Variants in LRP1B observed in about 807,000 individuals in gnomAD.
LRP1B encodes LDL receptor related protein 1B.
A neutral mutation model predicts 556.6 loss-of-function variants in LRP1B; 217 were observed. The ratio of observed to expected loss-of-function variants is 0.39; its 90% confidence interval spans 0.35 to 0.44. LRP1B has a LOEUF of 0.44. Among genes scored for constraint, LRP1B ranks in the 20% least tolerant of loss-of-function variants. LRP1B has a pLI of 1.00. For synonymous variants in LRP1B, 2,047 were observed against 1,865.8 expected (o/e 1.10, Z -2.50); for missense variants, 5,053 against 5,620.8 (o/e 0.90, Z 3.23).
chr2:140,330,072 T>C (rs1032558094), intron 79 of LRP1B, among the ~76,000 whole-genome samples: 2 of 151,274 alleles, frequency 1.3e-5, no homozygotes, highest in African/African-American at 4.9e-5. Flanking sequence ...TGGTAGCAGG[T>C]GCCTGTAATC....
At chr2:140,519,144 C>T (rs1476427505) in intron 49 of LRP1B, among the ~76,000 whole-genome samples, 4 of 152,122 alleles carry the variant, frequency 2.6e-5, no homozygotes, top group Non-Finnish European at 5.9e-5. Flanking sequence ...ATAGAGCCCA[C>T]ATTGCCAAGA....
At chr2:140,803,907 A>G (rs1690616622) in intron 32 of LRP1B, among the ~76,000 whole-genome samples, 1 of 144,604 alleles carries the variant, frequency 6.9e-6, no homozygotes, top group Admixed American at 7.0e-5. Flanking sequence ...AAAGAAAGAT[A>G]TGACAAAAGC....
In LRP1B at chr2:142,130,663, CG is replaced by C. The variant is rs1391261484; in HGVS notation, c.66del (p.Val23TrpfsTer21). 1.9e-6 allele frequency: 3 copies of C among 1,612,432 alleles called. No individual in the cohort carries two copies. The African/African-American group carries it at 4.0e-5, about 22-fold the overall frequency. On this transcript the variant is annotated frameshift_variant, in exon 1 of 91. Transcript: ENST00000389484. LOFTEE classifies it high-confidence loss of function. Reference protein sequence around the residue: ...SGLLPIARVLTVGADRDQQLC... With the variant: ...SGLLPIARVLXVGADRDQQLC... ...TTCTCCTTACCTCGGTCGGCTCCCACGGTCAGCACCCTGGCAATCGGCAATA... is the reference window on the plus strand; with the variant it reads ...TTCTCCTTACCTCGGTCGGCTCCCACGTCAGCACCCTGGCAATCGGCAATA...
chr2:142,062,414 C>T (rs2104894741), intron 1 of LRP1B, among the ~76,000 whole-genome samples: 1 of 151,720 alleles, frequency 6.6e-6, no homozygotes, highest in African/African-American at 2.4e-5. Context: ...ATGAAGCCTG[C>T]CAATCAAAAA....
chr2:140,777,227 T>C (rs955233534), intron 32 of LRP1B, among the ~76,000 whole-genome samples: 2 of 152,194 alleles, frequency 1.3e-5, no homozygotes, highest in African/African-American at 4.8e-5. Flanking sequence ...TTTGGGCAAT[T>C]AAAGATATTT....
rs572425645 is a variant in LRP1B, at chr2:140,558,795, G to T, written c.7195-16824C>A. 3.9e-5 allele frequency among the ~76,000 whole-genome samples: 6 copies of T among 151,966 alleles called. No homozygotes were observed. The South Asian group carries it at 1.2e-3, about 32-fold the overall frequency. ...ACAAAAAATACAAAAAAAAAGCTGG[G>T]TGTGGTGCCATGTGCCTGTAGTTCC... On this transcript the variant is annotated intron_variant, in intron 43 of 90. Coordinates refer to ENST00000389484, the MANE Select transcript of LRP1B (RefSeq NM_018557.3).
chr2:141,832,787 CA>C (rs1216493723), intron 1 of LRP1B, among the ~76,000 whole-genome samples: 1 of 151,792 alleles, frequency 6.6e-6, no homozygotes, highest in Non-Finnish European at 1.5e-5. Flanking sequence ...CAAGCATTTA[CA>C]GTTAAGATTG....
intron 84 of LRP1B, among the ~76,000 whole-genome samples, chr2:140,279,853 C>T (rs553527845): frequency 1.3e-5 from 2 of 151,740 alleles, no homozygotes; most frequent in African/African-American, 2.4e-5. Flanking sequence ...ATGATCCCAT[C>T]GAGGTGACTA....
At chr2:140,920,086 G>C (rs1236862568) in intron 21 of LRP1B, among the ~76,000 whole-genome samples, 1 of 151,922 alleles carries the variant, frequency 6.6e-6, no homozygotes, top group Non-Finnish European at 1.5e-5. Flanking sequence ...TATTTTCCCG[G>C]TACCTTGCGA....
rs377332982 is a variant in LRP1B at position 140,988,861 on chromosome 2, A to G, written c.2770+671T>C. On this transcript the variant is annotated intron_variant, in intron 17 of 90. Transcript: ENST00000389484. ...CAAATGAACTATTTTTTTCTTTATC[A>G]TTTAAAAAGAAGCACTAGGCTGCTG... 9.9e-5 allele frequency among the ~76,000 whole-genome samples: 15 copies of G among 152,184 alleles called. No homozygotes were observed. In the South Asian group the frequency reaches 2.9e-3, roughly 29 times the overall value.
intron 2 of LRP1B, among the ~76,000 whole-genome samples, chr2:141,649,746 C>T (rs1689715408): frequency 6.6e-6 from 1 of 151,986 alleles, no homozygotes. Context: ...AAAATGATAC[C>T]CTATTGTCAA....
intron 3 of LRP1B, among the ~76,000 whole-genome samples, chr2:141,479,464 C>T (rs10204321): frequency 0.52 from 78,132 of 151,698 alleles, 20,298 homozygotes; most frequent in Non-Finnish European, 0.56. Flanking sequence ...TACCCAGAAA[C>T]CAGATATGTT....
intron 2 of LRP1B, among the ~76,000 whole-genome samples, chr2:141,534,618 T>C (rs1440211932): frequency 2.0e-5 from 3 of 152,122 alleles, no homozygotes; most frequent in Non-Finnish European, 4.4e-5. Flanking sequence ...AATTTGTATA[T>C]ATATAAAAGT....
At position 140,329,887 on chromosome 2, in the gene LRP1B, A is replaced by C. The variant is rs541899792; in HGVS notation, c.12224-4009T>G. On this transcript the variant is annotated intron_variant, in intron 79 of 90. Coordinates refer to ENST00000389484, the MANE Select transcript of LRP1B (RefSeq NM_018557.3). Reference sequence around the variant, plus strand: ...TTGACATCCTTCACCAAATTAGAAAAAAAAACAAAAACAAAAAAACTACTT... The same window carrying C: ...TTGACATCCTTCACCAAATTAGAAACAAAAACAAAAACAAAAAAACTACTT... Among the ~76,000 whole-genome samples the C allele has an allele frequency of 1.1e-4, 16 of 148,670 alleles. No homozygotes were observed. The East Asian group carries it at 3.1e-3, about 29-fold the overall frequency.
chr2:140,252,062 CAAAAAAAAA>C, intron 86 of LRP1B, among the ~76,000 whole-genome samples: 706 of 18,560 alleles, frequency 0.038, 1 homozygote, highest in Middle Eastern at 0.083. Flanking sequence ...TGACAAGATG[CAAAAAAAAA>C]AAAAAAAAAA....
At chr2:141,145,048 T>C (rs1015080403) in intron 7 of LRP1B, among the ~76,000 whole-genome samples, 1 of 152,202 alleles carries the variant, frequency 6.6e-6, no homozygotes, top group African/African-American at 2.4e-5. Flanking sequence ...CAAGCTCTTT[T>C]CTAACTTATA....
chr2:140,677,310 A>G (rs76880790), intron 41 of LRP1B, among the ~76,000 whole-genome samples: 1 of 152,194 alleles, frequency 6.6e-6, no homozygotes, highest in Non-Finnish European at 1.5e-5. Flanking sequence ...GTGGGTATAG[A>G]TTACTTGTTC....
chr2:140,846,980 G>A (rs1692292300), intron 29 of LRP1B, among the ~76,000 whole-genome samples: 1 of 152,174 alleles, frequency 6.6e-6, no homozygotes, highest in Non-Finnish European at 1.5e-5. Context: ...TTCAGCCTGT[G>A]GAGTAAGTCA....
chr2:140,823,739 G>T (rs1450445061), intron 31 of LRP1B, among the ~76,000 whole-genome samples: 1 of 151,480 alleles, frequency 6.6e-6, no homozygotes, highest in Non-Finnish European at 1.5e-5. Context: ...ATAAAACACA[G>T]AAATATTTTA....
Sources: gnomAD v4.1 joint callset for allele counts (sites outside exome capture counted in the v4.1 genomes callset) on GRCh38, gnomAD v4.1.1 for gene constraint, MANE v1.5 for transcripts, NCBI Gene and HGNC (gene_info 2026-07-23, HGNC 2026-07-21) for gene names.